The following SLC38A9 variants were observed in gnomAD, a reference collection of about 807,000 sequenced individuals.
SLC38A9 encodes neutral amino acid transporter 9.
In SLC38A9, 48 loss-of-function variants were observed where a neutral mutation model predicts 62.3. The observed-to-expected ratio is 0.77, with a 90% CI of 0.61 to 0.98. The LOEUF (loss-of-function observed/expected upper bound fraction) is 0.98, where lower values mean the gene tolerates loss of function less well. SLC38A9 is among the 50% of genes least tolerant of loss of function. SLC38A9 has a pLI of 0.00. For synonymous variants in SLC38A9, 204 were observed against 227.7 expected, an observed-to-expected ratio of 0.90 and a Z score of 0.94; for missense variants, 541 against 679.8, an observed-to-expected ratio of 0.80 and a Z score of 2.27.
In SLC38A9 at chr5:55,652,561, G is replaced by A. The variant is rs1243540323; in HGVS notation, c.920C>T (p.Ser307Phe). 6.9e-6 allele frequency: 11 copies of A among 1,604,050 alleles called. No homozygotes were observed. The highest frequency in any genetic ancestry group is 9.4e-6 in the Non-Finnish European group (11 of 1,175,630). The change falls in exon 10 of 16, where the codon TCT becomes TTT. Residue 307 changes from serine to phenylalanine, a missense_variant. Ser to Phe is a radical substitution (Grantham distance 155, BLOSUM62 -2). Transcript: ENST00000396865. The part of the protein sequence containing the change: ...GLLLPLLNFK[S>F]PSFFSKFNIL... ...ATTAAATTTTGAAAAAAATGAAGGA[G>A]ACTTGAAATTGAGCAGTGGGAGGAG... is the stretch of plus-strand genomic sequence containing the variant.
At chr5:55,673,158 T>A (rs1367992062) in intron 3 of SLC38A9, 1 of 155,226 alleles carries the variant, frequency 6.4e-6, no homozygotes, top group East Asian at 1.9e-4. Flanking sequence ...TAAACAGAAT[T>A]CTTATTCCTT....
At chr5:55,693,946 G>T (rs1181237906) in intron 3 of SLC38A9, 1 of 152,872 alleles carries the variant, frequency 6.5e-6, no homozygotes, top group Non-Finnish European at 1.5e-5. Flanking sequence ...TGCACCTGTA[G>T]TCCCAGCTAC....
At chr5:55,687,071 T>TTTG (rs1256367415) in intron 3 of SLC38A9, among the ~76,000 whole-genome samples, 11 of 22,328 alleles carry the variant, frequency 4.9e-4, no homozygotes, top group African/African-American at 1.2e-3. Flanking sequence ...CTTTGTTTTT[T>TTTG]TTTTTTTTTT....
intron 15 of SLC38A9, 79 bp downstream of exon 15, chr5:55,627,811 TA>T (rs1742715342): frequency 2.3e-6 from 2 of 864,318 alleles, no homozygotes; most frequent in South Asian, 3.3e-5. Flanking sequence ...ACAATTAAAT[TA>T]AAACAACAAC....
At chr5:55,626,713 A>G in intron 15 of SLC38A9, 54 bp from the exon 16 acceptor site, 1 of 1,441,014 alleles carries the variant, frequency 6.9e-7, no homozygotes. Context: ...TGCTTTTTAC[A>G]ATTAAGGTAA....
intron 8 of SLC38A9, chr5:55,664,480 T>C (rs1477527075): frequency 7.5e-6 from 2 of 266,766 alleles, no homozygotes; most frequent in East Asian, 1.3e-4. Flanking sequence ...AGGAATATTA[T>C]TCCTTCAAAG....
At chr5:55,703,862 T>C (rs1756957688) in intron 2 of SLC38A9, among the ~76,000 whole-genome samples, 2 of 152,280 alleles carry the variant, frequency 1.3e-5, no homozygotes, top group Admixed American at 6.5e-5. Context: ...ACATTCTATA[T>C]AAATAGGCCT....
chr5:55,691,243 C>A, intron 3 of SLC38A9: 2 of 1,146,274 alleles, frequency 1.7e-6, no homozygotes, highest in Middle Eastern at 3.8e-4. Flanking sequence ...GACTAAGTCT[C>A]TGACATATCC....
chr5:55,679,602 T>G (rs1041019824), intron 3 of SLC38A9, among the ~76,000 whole-genome samples: 8 of 24,794 alleles, frequency 3.2e-4, no homozygotes, highest in Non-Finnish European at 9.4e-4. Context: ...TAGTTTTTTG[T>G]TTTTTTTTTA....
At chr5:55,694,496 G>T (rs1473086655) in intron 3 of SLC38A9, among the ~76,000 whole-genome samples, 1 of 152,122 alleles carries the variant, frequency 6.6e-6, no homozygotes, top group East Asian at 1.9e-4. Flanking sequence ...TTCTGTGTGT[G>T]TGTGTGTGGT....
intron 3 of SLC38A9, among the ~76,000 whole-genome samples, chr5:55,674,012 G>A (rs546049337): frequency 3.3e-5 from 5 of 152,244 alleles, no homozygotes; most frequent in African/African-American, 9.6e-5. Context: ...TCACCCAGCC[G>A]TTAATCTAAT....
chr5:55,691,035 G>A (rs1256940453), intron 3 of SLC38A9, among the ~76,000 whole-genome samples: 2 of 152,156 alleles, frequency 1.3e-5, no homozygotes, highest in Non-Finnish European at 2.9e-5. Flanking sequence ...AGATGTGCAC[G>A]CTAGAGGACA....
intron 8 of SLC38A9, among the ~76,000 whole-genome samples, chr5:55,659,885 C>T (rs961035279): frequency 1.1e-3 from 160 of 151,886 alleles, no homozygotes; most frequent in African/African-American, 3.7e-3. Context: ...CCTGCGTCAG[C>T]CTCCCAAGTA....
Position 55,635,623 on chromosome 5 carries a change from G to A in SLC38A9, c.1202C>T (p.Thr401Ile). 3.7e-6 allele frequency: 6 copies of A among 1,613,808 alleles called. No individual in the cohort carries two copies. The highest frequency in any genetic ancestry group is 5.1e-6 in the Non-Finnish European group (6 of 1,179,800). The change falls in exon 13 of 16, where the codon ACA becomes ATA. Residue 401 changes from threonine (T) to isoleucine (I), a missense_variant. Thr to Ile is a moderately conservative substitution (Grantham distance 89). Transcript: ENST00000396865. The part of the protein sequence containing the change: ...RDLCIAYMLV[T>I]LTYLYIGVLV... The stretch of plus-strand genomic sequence containing the variant: ...GACTCCAATATAGAGATAAGTTAAT[G>A]TCACCAGCATATAAGCAATGCACAA...
chr5:55,665,069 G>T (rs1214083833), intron 7 of SLC38A9: 3 of 288,304 alleles, frequency 1.0e-5, no homozygotes, highest in Non-Finnish European at 1.9e-5. Flanking sequence ...GATAACCTGA[G>T]AAACAGATTA....
chr5:55,660,148 C>T (rs72760003), intron 8 of SLC38A9, among the ~76,000 whole-genome samples: 81,916 of 150,342 alleles, frequency 0.54, 23,607 homozygotes, highest in South Asian at 0.66. Context: ...CGGTGGGTCA[C>T]GCCTGTAATC....
intron 4 of SLC38A9, 44 bp downstream of exon 4, chr5:55,672,519 A>T (rs771157012): frequency 6.2e-7 from 1 of 1,603,704 alleles, no homozygotes; most frequent in Non-Finnish European, 8.5e-7. Context: ...TTCACTGTTC[A>T]TTTCAACTGA....
At position 55,633,758 on chromosome 5, in the gene SLC38A9, GATAA is replaced by G; in HGVS notation, c.1422_1425del (p.Tyr475LeufsTer7). 6.2e-7 allele frequency: 1 copy of G among 1,614,100 alleles called. No homozygotes were observed. The highest frequency in any genetic ancestry group is 8.5e-7 in the Non-Finnish European group (1 of 1,180,014). On this transcript the variant is annotated frameshift_variant, in exon 14 of 16. Transcript: ENST00000396865. LOFTEE classifies it high-confidence loss of function. Reference sequence around the variant, plus strand: ...GGTCAAGAGAAGAGCCCTTACCTAGGATAAATGTCACCGAAGATATGGCCCAAAA... The same window carrying G: ...GGTCAAGAGAAGAGCCCTTACCTAGGATGTCACCGAAGATATGGCCCAAAA...
chr5:55,656,077 TAATA>T (rs1748362444), intron 9 of SLC38A9, among the ~76,000 whole-genome samples: 3 of 152,088 alleles, frequency 2.0e-5, no homozygotes, highest in Non-Finnish European at 4.4e-5. Context: ...CTGATATAAT[TAATA>T]GTGATATAGG....
Sources: allele counts gnomAD v4.1 joint callset (sites outside exome capture counted in the v4.1 genomes callset), GRCh38; gene constraint gnomAD v4.1.1; transcripts MANE v1.5; gene names NCBI Gene and HGNC (gene_info 2026-07-23, HGNC 2026-07-21).